SUPT20H: variants seen among roughly 807,000 people sequenced by gnomAD.
The protein encoded by SUPT20H is transcription factor SPT20 homolog.
A neutral mutation model predicts 122.8 loss-of-function variants in SUPT20H; 82 were observed. The observed-to-expected ratio is 0.67, with a 90% confidence interval of 0.56 to 0.80. The LOEUF (loss-of-function observed/expected upper bound fraction) is 0.80. Among genes scored for constraint, SUPT20H ranks in the 30% least tolerant of loss-of-function variants. SUPT20H has a pLI of 0.00. For synonymous variants in SUPT20H, 291 were observed against 313.0 expected (o/e 0.93, Z 0.74); for missense variants, 831 against 921.6 (o/e 0.90, Z 1.27).
At chr13:37,025,080 T>C in intron 17 of SUPT20H, 1 of 394,064 alleles carries the variant, frequency 2.5e-6, no homozygotes, top group Non-Finnish European at 4.8e-6. Flanking sequence ...TGGCTGGGAT[T>C]ACAGGTGTGT....
At chr13:37,026,723 G>C in intron 15 of SUPT20H, 67 bp downstream of exon 15, 1 of 926,474 alleles carries the variant, frequency 1.1e-6, no homozygotes, top group Non-Finnish European at 1.6e-6. Context: ...TATTTAGCAA[G>C]TCTTTTTAAA....
At chr13:37,053,802 T>A (rs2068290688) in intron 1 of SUPT20H, among the ~76,000 whole-genome samples, 1 of 151,960 alleles carries the variant, frequency 6.6e-6, no homozygotes, top group Non-Finnish European at 1.5e-5. Flanking sequence ...GGTGGAAAGA[T>A]TCATTCAAAA....
chr13:37,017,725 G>T (rs902433722), intron 22 of SUPT20H, among the ~76,000 whole-genome samples: 1 of 152,110 alleles, frequency 6.6e-6, no homozygotes, highest in African/African-American at 2.4e-5. Context: ...TTATGAATCA[G>T]AAATGTATAC....
At chr13:37,024,561 ATTT>A in intron 17 of SUPT20H, 119 bp from the exon 18 acceptor site, 2 of 670,122 alleles carry the variant, frequency 3.0e-6, no homozygotes, top group East Asian at 6.6e-5. Context: ...TAAATCCCAG[ATTT>A]TTAACTCTGC....
At chr13:37,052,301 A>G (rs1360419937) in intron 1 of SUPT20H, among the ~76,000 whole-genome samples, 1 of 152,164 alleles carries the variant, frequency 6.6e-6, no homozygotes, top group Non-Finnish European at 1.5e-5. Flanking sequence ...ACAGTAACCA[A>G]AACAGCATGC....
rs941096911 is a variant in SUPT20H, at chr13:37,021,991, G to A, written c.1661+20C>T. Reference sequence around the variant, plus strand: ...AACTATCTTTATAAAAAAAAAATCCGAACATCAATGCAAACTTACCAAACA... The same window carrying A: ...AACTATCTTTATAAAAAAAAAATCCAAACATCAATGCAAACTTACCAAACA... On this transcript the variant is annotated intron_variant, in intron 20 of 25. Transcript: ENST00000350612. 11 of 1,527,440 alleles carry A rather than the reference G, an allele frequency of 7.2e-6. No individual in the cohort carries two copies. Among genetic ancestry groups the A allele is most frequent in the African/African-American group, 1.4e-5 (1 of 71,510 alleles). 94.6% of individuals were successfully genotyped at this position (1,527,440 alleles called of 1,614,324 possible).
chr13:37,019,432 A>C, intron 21 of SUPT20H, 35 bp from the exon 22 acceptor site: 2 of 1,463,092 alleles, frequency 1.4e-6, no homozygotes, highest in Non-Finnish European at 1.9e-6. Context: ...AACAGAATTG[A>C]AAGTTTATTA....
chr13:37,029,741 C>T, intron 13 of SUPT20H, 24 bp downstream of exon 13: 1 of 1,586,034 alleles, frequency 6.3e-7, no homozygotes, highest in Non-Finnish European at 8.6e-7. Context: ...TAATTAGAAA[C>T]AGAGACAGGC....
chr13:37,010,679 C>T (rs771183679), intron 24 of SUPT20H, 24 bp from the exon 25 acceptor site: 9 of 1,594,754 alleles, frequency 5.6e-6, no homozygotes, highest in Admixed American at 1.7e-5. Context: ...AAGGGGAAAG[C>T]AGGCCAGTCA....
intron 1 of SUPT20H, among the ~76,000 whole-genome samples, chr13:37,057,781 C>T (rs923213744): frequency 1.3e-5 from 2 of 152,080 alleles, no homozygotes; most frequent in Non-Finnish European, 2.9e-5. Context: ...CGAGACCAGC[C>T]TGGACAACAT....
intron 22 of SUPT20H, among the ~76,000 whole-genome samples, chr13:37,018,040 G>A (rs935258074): frequency 5.3e-5 from 8 of 151,870 alleles, no homozygotes; most frequent in Non-Finnish European, 8.8e-5. Context: ...GTTTATATAC[G>A]GACCACTTTG....
At chr13:37,010,226 AACAC>A (rs2059355429) in intron 25 of SUPT20H, among the ~76,000 whole-genome samples, 1 of 152,216 alleles carries the variant, frequency 6.6e-6, no homozygotes, top group African/African-American at 2.4e-5. Flanking sequence ...TACTAATAGG[AACAC>A]TTTTCTGCAG....
intron 23 of SUPT20H, among the ~76,000 whole-genome samples, chr13:37,014,695 A>G (rs2139157021): frequency 6.6e-6 from 1 of 152,326 alleles, no homozygotes; most frequent in South Asian, 2.1e-4. Flanking sequence ...AAGTGGCTTA[A>G]GCAGTACTGA....
In SUPT20H at chr13:37,027,478, A is replaced by G. The variant is rs192909515; in HGVS notation, c.1152-662T>C. Among the ~76,000 whole-genome samples the G allele has an allele frequency of 1.3e-3, 198 of 152,142 alleles. 3 individuals are homozygous for G. Among genetic ancestry groups the G allele is most frequent in the Non-Finnish European group, 6.2e-4 (42 of 67,936 alleles). ...GTTGCTCTTTAAAATCCACCTTTCT[A>G]CTGTAGTTTCAATTAGTATTTTGTG... On this transcript the variant is annotated intron_variant, in intron 14 of 25. Transcript: ENST00000350612.
intron 9 of SUPT20H, chr13:37,037,997 T>G (rs915818018): frequency 6.6e-6 from 1 of 152,068 alleles, no homozygotes. Flanking sequence ...TCCTATAAAC[T>G]GCTAGTTACA....
At chr13:37,052,334 C>A (rs554774022) in intron 1 of SUPT20H, among the ~76,000 whole-genome samples, 1 of 151,996 alleles carries the variant, frequency 6.6e-6, no homozygotes, top group Admixed American at 6.6e-5. Context: ...AACAGATATA[C>A]AGACCAACAG....
chr13:37,042,429 C>T (rs2065651819), intron 7 of SUPT20H, among the ~76,000 whole-genome samples: 1 of 151,842 alleles, frequency 6.6e-6, no homozygotes, highest in South Asian at 2.1e-4. Context: ...GAGAATATTA[C>T]TAAAGAAAAA....
chr13:37,012,180 GA>G lies in SUPT20H; in HGVS notation c.2098+11del. The G allele has an allele frequency of 6.3e-7, 1 of 1,595,440 alleles. No individual in the cohort carries two copies. Among genetic ancestry groups the G allele is most frequent in the South Asian group, 1.1e-5 (1 of 90,354 alleles). On this transcript the variant is annotated intron_variant, in intron 24 of 25. Transcript: ENST00000350612. ...TAGTAAATTCAGCATATAAAGTTAT[GA>G]AGATACCTACCAGCTGCCTGTGACT... is the stretch of plus-strand genomic sequence containing the variant.
At chr13:37,028,743 A>G (rs2062764834) in intron 13 of SUPT20H, among the ~76,000 whole-genome samples, 1 of 151,900 alleles carries the variant, frequency 6.6e-6, no homozygotes, top group Non-Finnish European at 1.5e-5. Flanking sequence ...GAGAGGTTAA[A>G]TGAATTGCCT....
Sources: allele counts gnomAD v4.1 joint callset (sites outside exome capture counted in the v4.1 genomes callset), GRCh38; gene constraint gnomAD v4.1.1; transcripts MANE v1.5; gene names NCBI Gene and HGNC (gene_info 2026-07-23, HGNC 2026-07-21).